ITGA4: variants seen among roughly 807,000 people sequenced by gnomAD.
The protein encoded by ITGA4 is integrin subunit alpha 4, also known as integrin alpha-4.
In ITGA4, 63 loss-of-function variants were observed where a neutral mutation model predicts 133.6. The ratio of observed to expected loss-of-function variants is 0.47; its 90% confidence interval spans 0.38 to 0.58. The LOEUF (loss-of-function observed/expected upper bound fraction) is 0.58. Ranked by LOEUF, ITGA4 falls within the 20% of genes least tolerant of loss-of-function variation. ITGA4 has a pLI of 0.00. For synonymous variants in ITGA4, 483 were observed against 438.0 expected (o/e 1.10, Z -1.28); for missense variants, 1,076 against 1,252.7 (o/e 0.86, Z 2.13).
chr2:181,517,458 T>G (rs577122132), intron 17 of ITGA4, among the ~76,000 whole-genome samples: 1 of 152,224 alleles, frequency 6.6e-6, no homozygotes, highest in South Asian at 2.1e-4. Context: ...TGATTCTGTA[T>G]GTACACAGTA....
At chr2:181,514,758 T>C (rs575385434) in intron 17 of ITGA4, among the ~76,000 whole-genome samples, 35 of 152,138 alleles carry the variant, frequency 2.3e-4, no homozygotes, top group Non-Finnish European at 4.0e-4. Flanking sequence ...CTCTGGCCTA[T>C]GAGAAAATGA....
chr2:181,457,887 C>T, intron 1 of ITGA4, 36 bp downstream of exon 1: 2 of 1,556,188 alleles, frequency 1.3e-6, no homozygotes, highest in South Asian at 2.4e-5. Flanking sequence ...CTCAGCAGCT[C>T]AGAGCGGCGT....
chr2:181,495,233 G>A lies in ITGA4; in HGVS notation c.1340-138G>A, dbSNP rs1352932415. ...AGAAAAGTGGAAAGAATCGTAAGATGTTAGCATATATTCTCTAATTTTCTA... is the reference window on the plus strand; with the variant it reads ...AGAAAAGTGGAAAGAATCGTAAGATATTAGCATATATTCTCTAATTTTCTA... On this transcript the variant is annotated intron_variant, in intron 12 of 27. Transcript: ENST00000397033. The surrounding 1 kb of genome is among the most constrained non-coding windows in gnomAD (Gnocchi z 4.3). 3.1e-6 allele frequency: 2 copies of A among 652,954 alleles called. No homozygotes were observed. Among genetic ancestry groups the A allele is most frequent in the East Asian group, 2.7e-5 (1 of 37,210 alleles). The allele number at this position is 652,954 out of a possible 1,614,324, so 40.4% of individuals were successfully genotyped here.
chr2:181,516,866 T>C lies in ITGA4; in HGVS notation c.1922+5091T>C, dbSNP rs1017080268. Among the ~76,000 whole-genome samples, 3 of 152,030 alleles carry C rather than the reference T, an allele frequency of 2.0e-5. No homozygotes were observed. Among genetic ancestry groups the C allele is most frequent in the African/African-American group, 7.2e-5 (3 of 41,412 alleles). On this transcript the variant is annotated intron_variant, in intron 17 of 27. Transcript: ENST00000397033. This position sits in a 1 kb window ranked among gnomAD's most constrained non-coding sequence, Gnocchi z 4.0. ...TCCCGAAAGAGCTAGTGTGATGAAA[T>C]TGTCCATTTTTAAAATGGAAATAGT...
intron 2 of ITGA4, among the ~76,000 whole-genome samples, chr2:181,465,207 A>G (rs1462032807): frequency 6.6e-6 from 1 of 152,130 alleles, no homozygotes; most frequent in African/African-American, 2.4e-5. Flanking sequence ...TCATTAGACT[A>G]CAATCATTTT....
chr2:181,487,813 A>G (rs201303091), intron 10 of ITGA4, among the ~76,000 whole-genome samples: 2 of 152,302 alleles, frequency 1.3e-5, no homozygotes, highest in East Asian at 3.9e-4. Context: ...AAATAAAATT[A>G]ATACTTGAAA....
At chr2:181,517,566 G>C (rs905676112) in intron 17 of ITGA4, among the ~76,000 whole-genome samples, 22 of 152,052 alleles carry the variant, frequency 1.4e-4, no homozygotes, top group African/African-American at 5.1e-4. Flanking sequence ...GAGTCCCAGG[G>C]ACAGCTCTGG....
chr2:181,464,729 G>A lies in ITGA4; in HGVS notation c.319+6412G>A, dbSNP rs143808174. The stretch of plus-strand genomic sequence containing the variant: ...TTTCAGCCTCATTCCAAAGTGTCTA[G>A]GTCCGCCTTGGGTTCCAAAGACTCA... On this transcript the variant is annotated intron_variant, in intron 2 of 27. Transcript: ENST00000397033. Among the ~76,000 whole-genome samples the A allele has an allele frequency of 1.8e-3, 281 of 152,164 alleles. 2 individuals are homozygous for A. The highest frequency in any genetic ancestry group is 6.5e-3 in the African/African-American group (269 of 41,536).
chr2:181,486,139 T>C lies in ITGA4; in HGVS notation c.1153+147T>C, dbSNP rs1042849110. ...AAGTTTTTTCTTTTCTTTAGTGTTA[T>C]ATATGACTTCTCCTCAATTGTCACC... is the stretch of plus-strand genomic sequence containing the variant. On this transcript the variant is annotated intron_variant, in intron 10 of 27. Transcript: ENST00000397033. 3 of 971,796 alleles carry C rather than the reference T, an allele frequency of 3.1e-6. No homozygotes were observed. The African/African-American group carries it at 5.1e-5, about 16-fold the overall frequency. 60.2% of individuals were successfully genotyped at this position (971,796 alleles called of 1,614,324 possible).
chr2:181,520,553 TAAATC>T (rs1180191464), intron 17 of ITGA4, among the ~76,000 whole-genome samples: 2 of 152,080 alleles, frequency 1.3e-5, no homozygotes, highest in African/African-American at 4.8e-5. Context: ...TTGAGACAGA[TAAATC>T]AATTAGAAAC....
chr2:181,526,037 C>T (rs897763280), intron 21 of ITGA4, among the ~76,000 whole-genome samples: 5 of 152,116 alleles, frequency 3.3e-5, no homozygotes, highest in Non-Finnish European at 7.3e-5. Flanking sequence ...TAAACCATCC[C>T]GCAGTCATCT....
chr2:181,494,748 A>G lies in ITGA4; in HGVS notation c.1275A>G (p.Lys425=). The G allele has an allele frequency of 6.2e-7, 1 of 1,603,990 alleles. No individual in the cohort carries two copies. The highest frequency in any genetic ancestry group is 2.2e-5 in the East Asian group (1 of 44,766). Residue 425 remains lysine (K), a synonymous_variant, in exon 12 of 28, where the codon AAA becomes AAG. Coordinates refer to ENST00000397033, the MANE Select transcript of ITGA4 (RefSeq NM_000885.6). ...GAATTGAAGGACTTCAGATCAGCAA[A>G]TCGTTAAGTATGTTTGGACAGTCTA... The part of the protein sequence containing the change: ...SQRIEGLQIS[K]SLSMFGQSIS...
chr2:181,475,990 C>A, intron 4 of ITGA4: 2 of 1,217,370 alleles, frequency 1.6e-6, no homozygotes, highest in Non-Finnish European at 2.1e-6. Context: ...CACCCTCACT[C>A]AAAAAAAATC....
Position 181,523,571 on chromosome 2 carries a change from G to A in ITGA4, c.2169+39G>A. On this transcript the variant is annotated intron_variant, in intron 19 of 27. Transcript: ENST00000397033. This position sits in a 1 kb window ranked among gnomAD's most constrained non-coding sequence, Gnocchi z 4.2. ...ATTTATGGCTTTTGTTCACTATCAT[G>A]AATATTTTTTTCTATTCTTCCCTAT... 8.9e-7 allele frequency: 1 copy of A among 1,127,492 alleles called. No individual in the cohort carries two copies. The allele number at this position is 1,127,492 out of a possible 1,614,324, so 69.8% of individuals were successfully genotyped here. A position where few individuals can be genotyped will look rare whatever the true frequency, so the allele number is the denominator to read the frequency against.
intron 2 of ITGA4, among the ~76,000 whole-genome samples, chr2:181,464,351 G>A (rs142881974): frequency 2.6e-4 from 40 of 152,224 alleles, no homozygotes; most frequent in South Asian, 8.3e-4. Flanking sequence ...AATAGCAAGC[G>A]TCAATAACTT....
Position 181,457,542 on chromosome 2 carries a change from G to C in ITGA4, c.-113G>C, listed in dbSNP as rs1685152160. 3 of 978,568 alleles carry C rather than the reference G, an allele frequency of 3.1e-6. No individual in the cohort carries two copies. Among genetic ancestry groups the C allele is most frequent in the Non-Finnish European group, 4.4e-6 (3 of 674,438 alleles). 60.6% of individuals were successfully genotyped at this position (978,568 alleles called of 1,614,324 possible). ...CTCCTTCCTTTAGCCCGCTGGCGCCGGACACGCTGCGCCTCATCTCTTGGG... is the reference window on the plus strand; with the variant it reads ...CTCCTTCCTTTAGCCCGCTGGCGCCCGACACGCTGCGCCTCATCTCTTGGG... On this transcript the variant is annotated 5_prime_UTR_variant, in exon 1 of 28. Coordinates refer to ENST00000397033, the MANE Select transcript of ITGA4 (RefSeq NM_000885.6).
intron 2 of ITGA4, among the ~76,000 whole-genome samples, chr2:181,470,066 A>C (rs1685511503): frequency 6.6e-6 from 1 of 151,954 alleles, no homozygotes; most frequent in Admixed American, 6.5e-5. Flanking sequence ...AAGTATAATA[A>C]TAAAAAAAAA....
intron 2 of ITGA4, among the ~76,000 whole-genome samples, chr2:181,468,374 G>T (rs1376238889): frequency 1.3e-5 from 2 of 152,176 alleles, no homozygotes; most frequent in African/African-American, 4.8e-5. Flanking sequence ...TAATTATGCA[G>T]TAGTACATTC....
chr2:181,522,329 G>A lies in ITGA4; in HGVS notation c.2061G>A (p.Lys687=), dbSNP rs1477039926. The change falls in exon 18 of 28, where the codon AAG becomes AAA. Residue 687 remains lysine (K), a synonymous_variant. Transcript: ENST00000397033. ...TACCCGTGGGTCTTTATTTCATTAA[G>A]ATTTTAGAGCTGGTAAGTACTGTAA... The part of the protein sequence containing the change: ...VKLPVGLYFI[K]ILELEEKQIN... 1.2e-6 allele frequency: 2 copies of A among 1,603,870 alleles called. No individual in the cohort carries two copies. The highest frequency in any genetic ancestry group is 1.7e-6 in the Non-Finnish European group (2 of 1,174,630).
Sources: gnomAD v4.1 joint callset for allele counts (sites outside exome capture counted in the v4.1 genomes callset) on GRCh38, gnomAD v4.1.1 for gene constraint, Gnocchi (gnomAD v3.1) non-coding constraint, MANE v1.5 for transcripts, NCBI Gene and HGNC (gene_info 2026-07-23, HGNC 2026-07-21) for gene names.